Variants in SYTL2 observed in about 807,000 individuals in gnomAD.
SYTL2 encodes the protein synaptotagmin like 2, also known as synaptotagmin-like protein 2.
Under a neutral mutation model 198.7 loss-of-function variants are expected in SYTL2, and 165 were observed. The observed-to-expected ratio is 0.83, with a 90% CI of 0.73 to 0.94. The LOEUF (loss-of-function observed/expected upper bound fraction) is 0.94. SYTL2 is among the 40% of genes least tolerant of loss of function. The pLI is 0.00. For synonymous variants in SYTL2, 966 were observed against 917.7 expected, an observed-to-expected ratio of 1.05 and a Z score of -0.95; for missense variants, 2,835 against 2,582.8, an observed-to-expected ratio of 1.10 and a Z score of -2.12.
At chr11:85,772,650 G>A (rs1336689546) in intron 1 of SYTL2, among the ~76,000 whole-genome samples, 1 of 152,214 alleles carries the variant, frequency 6.6e-6, no homozygotes, top group Non-Finnish European at 1.5e-5. Flanking sequence ...AAAATGGGCA[G>A]CAACCAGCCC....
the SYTL2 span, among the ~76,000 whole-genome samples, chr11:85,821,098 T>C: frequency 6.6e-6 from 1 of 152,254 alleles, no homozygotes; most frequent in Admixed American, 6.5e-5. Context: ...GAAACAGTGA[T>C]AACACCTATT....
chr11:85,735,539 T>G (rs1159674950), intron 6 of SYTL2, among the ~76,000 whole-genome samples: 1 of 152,144 alleles, frequency 6.6e-6, no homozygotes, highest in Non-Finnish European at 1.5e-5. Context: ...GGTGGATCAC[T>G]TGAGTCCAGG....
At chr11:85,702,971 T>C (rs921522650) in intron 16 of SYTL2, among the ~76,000 whole-genome samples, 1 of 152,202 alleles carries the variant, frequency 6.6e-6, no homozygotes, top group African/African-American at 2.4e-5. Context: ...AAAGAAAATA[T>C]GCTTTCGAAA....
intron 7 of SYTL2, 110 bp downstream of exon 7, chr11:85,733,829 G>A: frequency 2.5e-6 from 2 of 792,722 alleles, no homozygotes; most frequent in South Asian, 3.4e-5. Context: ...TCGATCTCCT[G>A]ACCTCATGAT....
the SYTL2 span, among the ~76,000 whole-genome samples, chr11:85,841,724 G>A: frequency 6.6e-6 from 1 of 152,126 alleles, no homozygotes. Context: ...ACGGGTACTA[G>A]GCTTGGTACC....
At chr11:85,757,489 A>T (rs1176984400) in intron 2 of SYTL2, 136 bp downstream of exon 2, 14 of 979,526 alleles carry the variant, frequency 1.4e-5, no homozygotes, top group Non-Finnish European at 2.0e-5. Context: ...TCCAGGAAGT[A>T]AACCTAAAAT....
chr11:85,828,667 T>G, the SYTL2 span, among the ~76,000 whole-genome samples: 109 of 152,346 alleles, frequency 7.2e-4, 1 homozygote, highest in African/African-American at 2.4e-3. Flanking sequence ...TATAATCACA[T>G]GCATGATTTC....
At chr11:85,823,534 CT>C in the SYTL2 span, among the ~76,000 whole-genome samples, 1 of 152,208 alleles carries the variant, frequency 6.6e-6, no homozygotes, top group African/African-American at 2.4e-5. Flanking sequence ...CTTTAATCCA[CT>C]TTTAAAACAT....
chr11:85,849,512 T>C, the SYTL2 span, among the ~76,000 whole-genome samples: 1 of 152,248 alleles, frequency 6.6e-6, no homozygotes. Context: ...TACATACGGC[T>C]AGCCAGTTTT....
At chr11:85,810,725 G>A (rs1434783261) in intron 1 of SYTL2, among the ~76,000 whole-genome samples, 2 of 152,340 alleles carry the variant, frequency 1.3e-5, no homozygotes, top group African/African-American at 4.8e-5. Flanking sequence ...CAGCTTCCTG[G>A]CCGCCTGGGC....
intron 1 of SYTL2, among the ~76,000 whole-genome samples, chr11:85,780,525 T>A (rs1361902057): frequency 6.6e-6 from 1 of 152,226 alleles, no homozygotes; most frequent in Non-Finnish European, 1.5e-5. Context: ...TCCATTGGTT[T>A]AATCAGTCAC....
the SYTL2 span, among the ~76,000 whole-genome samples, chr11:85,821,115 G>A: frequency 6.6e-6 from 1 of 152,224 alleles, no homozygotes; most frequent in Middle Eastern, 3.4e-3. Flanking sequence ...TATTAATTAT[G>A]AATAATATCC....
In SYTL2 at chr11:85,725,634, T is replaced by C; in HGVS notation, c.3724A>G (p.Lys1242Glu). Residue 1242 changes from lysine to glutamate, a missense_variant, in exon 8 of 20, where the codon AAG becomes GAG. Around this residue, in one of 3 missense-constraint regions of SYTL2, gnomAD observed 2,645 missense variants for 2,381.7 expected, o/e 1.11. Coordinates refer to ENST00000359152, the MANE Select transcript of SYTL2 (RefSeq NM_206927.4). ...LAPVITGTNS[K>E]LEEGRFFGKG... ...CCAAAAAATCTCCCCTCTTCCAGCT[T>C]AGAGTTGGTTCCAGTGATAACAGGC... 6.2e-7 allele frequency: 1 copy of C among 1,614,144 alleles called. No individual in the cohort carries two copies. Among genetic ancestry groups the C allele is most frequent in the Non-Finnish European group, 8.5e-7 (1 of 1,180,016 alleles).
intron 1 of SYTL2, among the ~76,000 whole-genome samples, chr11:85,775,171 G>A (rs920287517): frequency 2.6e-4 from 39 of 152,178 alleles, no homozygotes; most frequent in African/African-American, 8.2e-4. Context: ...CTACAGTGAA[G>A]GAGAGAATAA....
chr11:85,846,010 G>A, the SYTL2 span, among the ~76,000 whole-genome samples: 9 of 152,272 alleles, frequency 5.9e-5, no homozygotes, highest in Non-Finnish European at 1.2e-4. Flanking sequence ...GTGATCTCTC[G>A]CTCCTGTGGC....
intron 1 of SYTL2, among the ~76,000 whole-genome samples, chr11:85,767,000 C>T (rs1163938579): frequency 6.6e-6 from 1 of 152,236 alleles, no homozygotes. Flanking sequence ...TCAAGGCTTA[C>T]TGAACCAAAC....
chr11:85,757,739 T>C lies in SYTL2; in HGVS notation c.-14A>G. ...TAAGTCAATCATTTTGAAAAGTGCA[T>C]GCAAAAATAATAGCAACAAATGTGG... On this transcript the variant is annotated 5_prime_UTR_variant, in exon 2 of 20. The change abolishes an upstream ATG in the 5' untranslated region. Transcript: ENST00000359152. The C allele has an allele frequency of 1.2e-6, 2 of 1,610,304 alleles. No individual in the cohort carries two copies. The highest frequency in any genetic ancestry group is 1.1e-5 in the South Asian group (1 of 91,076).
chr11:85,837,340 A>ATC, the SYTL2 span, among the ~76,000 whole-genome samples: 4 of 152,100 alleles, frequency 2.6e-5, no homozygotes, highest in Admixed American at 6.6e-5. Flanking sequence ...CCTAGCAGCG[A>ATC]TCTCTCTCTT....
At chr11:85,714,212 G>C (rs1178519070) in intron 12 of SYTL2, among the ~76,000 whole-genome samples, 1 of 152,202 alleles carries the variant, frequency 6.6e-6, no homozygotes, top group Non-Finnish European at 1.5e-5. Context: ...CTAACCAAAA[G>C]GAGTTACTGT....
Sources: gnomAD v4.1 joint callset for allele counts (sites outside exome capture counted in the v4.1 genomes callset) on GRCh38, gnomAD v4.1.1 for gene constraint, gnomAD v4.1.1 regional missense constraint, MANE v1.5 for transcripts, NCBI Gene and HGNC (gene_info 2026-07-23, HGNC 2026-07-21) for gene names.